IRAK1BP1: variants seen among roughly 807,000 people sequenced by gnomAD.
IRAK1BP1 encodes interleukin 1 receptor associated kinase 1 binding protein 1.
IRAK1BP1 carries 24 observed loss-of-function variants against 28.0 expected under a neutral mutation model. The ratio of observed to expected loss-of-function variants is 0.86; its 90% CI spans 0.62 to 1.20. The LOEUF (loss-of-function observed/expected upper bound fraction) is 1.20, where lower values mean the gene tolerates loss of function less well. IRAK1BP1 is among the 50% of genes most tolerant of loss of function. The pLI is 0.00. For missense variants in IRAK1BP1, 336 were observed against 316.7 expected (o/e 1.06, Z -0.46); for synonymous variants, 131 against 116.3 (o/e 1.13, Z -0.81).
the IRAK1BP1 span, chr6:78,955,703 A>G: frequency 1.3e-6 from 1 of 776,324 alleles, no homozygotes; most frequent in East Asian, 2.6e-5. Context: ...AGGAAATGTT[A>G]ACATGTAAGA....
At chr6:78,869,492 C>T (rs1403270842) in intron 1 of IRAK1BP1, among the ~76,000 whole-genome samples, 1 of 152,170 alleles carries the variant, frequency 6.6e-6, no homozygotes, top group South Asian at 2.1e-4. Flanking sequence ...TGCACTCCAG[C>T]TTGGGTGACA....
Position 78,901,989 on chromosome 6 carries a change from G to T in IRAK1BP1, c.*3655G>T, listed in dbSNP as rs1057341174. 6.6e-6 allele frequency: 1 copy of T among 152,128 alleles called. No homozygotes were observed. The highest frequency in any genetic ancestry group is 2.4e-5 in the African/African-American group (1 of 41,420). The allele number at this position is 152,128 out of a possible 1,614,324, so 9.4% of individuals were successfully genotyped here. A position where few individuals can be genotyped will look rare whatever the true frequency, so the allele number is the denominator to read the frequency against. On this transcript the variant is annotated 3_prime_UTR_variant, in exon 4 of 4. Coordinates refer to ENST00000369940, the MANE Select transcript of IRAK1BP1 (RefSeq NM_001010844.4). ...AGCCTATAAAAAGCATGAATTATGA[G>T]ATCAAATGTGGGAGTTACTATATGA...
chr6:78,947,897 C>T, downstream of IRAK1BP1: 1 of 547,774 alleles, frequency 1.8e-6, no homozygotes, highest in Non-Finnish European at 3.2e-6. Context: ...ATAATCACTC[C>T]TGTTCCCCTT....
chr6:78,931,410 C>CA (rs1353364377), intron 4 of IRAK1BP1, among the ~76,000 whole-genome samples: 8 of 151,990 alleles, frequency 5.3e-5, no homozygotes, highest in South Asian at 2.1e-4. Context: ...GACCCTGTCT[C>CA]AAAAAACAAG....
chr6:78,913,064 G>A (rs892635390), intron 4 of IRAK1BP1, among the ~76,000 whole-genome samples: 6 of 152,162 alleles, frequency 3.9e-5, no homozygotes, highest in South Asian at 2.1e-4. Flanking sequence ...GGCCGGGTGC[G>A]GTAGCTCACG....
intron 4 of IRAK1BP1, among the ~76,000 whole-genome samples, chr6:78,914,302 GA>G (rs1392438546): frequency 1.3e-5 from 2 of 152,172 alleles, no homozygotes; most frequent in Admixed American, 6.5e-5. Flanking sequence ...GCCTGAAAAT[GA>G]ATCTTAATTT....
chr6:78,909,280 C>T (rs757742026), intron 4 of IRAK1BP1, among the ~76,000 whole-genome samples: 3 of 152,146 alleles, frequency 2.0e-5, no homozygotes, highest in Non-Finnish European at 2.9e-5. Flanking sequence ...AAGTCAAAAA[C>T]ACACTTCTGA....
At chr6:78,950,790 C>A (rs1056620434), downstream of IRAK1BP1, among the ~76,000 whole-genome samples, 1 of 151,758 alleles carries the variant, frequency 6.6e-6, no homozygotes, top group South Asian at 2.1e-4. Flanking sequence ...CTCAAAGAAC[C>A]CAGCTTTCAA....
intron 1 of IRAK1BP1, among the ~76,000 whole-genome samples, chr6:78,880,066 C>T (rs1049007884): frequency 6.6e-6 from 1 of 151,042 alleles, no homozygotes; most frequent in African/African-American, 2.4e-5. Context: ...GAGTGTAGAT[C>T]AAAAGACTAT....
At chr6:78,958,486 T>C in the IRAK1BP1 span, 1 of 1,525,560 alleles carries the variant, frequency 6.6e-7, no homozygotes, top group Non-Finnish European at 9.1e-7. Context: ...TTATAAAATG[T>C]AGAAGAAGAT....
the IRAK1BP1 span, among the ~76,000 whole-genome samples, chr6:78,970,451 A>T: frequency 1.3e-5 from 2 of 152,166 alleles, no homozygotes; most frequent in African/African-American, 4.8e-5. Context: ...CATTCCAAAG[A>T]CCTATTGGTA....
Position 78,867,820 on chromosome 6 carries a change from G to A in IRAK1BP1, c.244G>A (p.Ala82Thr), listed in dbSNP as rs763671093. The change falls in exon 1 of 4, where the codon GCC becomes ACC. Residue 82 changes from alanine (A) to threonine (T), a missense_variant. Coordinates refer to ENST00000369940, the MANE Select transcript of IRAK1BP1 (RefSeq NM_001010844.4). ...AGTGAGCAGCACCAAGGAGGCGGCAGCCGAGGCCAAAAAGAGCGTTTGTCG... is the reference window on the plus strand; with the variant it reads ...AGTGAGCAGCACCAAGGAGGCGGCAACCGAGGCCAAAAAGAGCGTTTGTCG... Reference protein sequence around the residue: ...VRVSSTKEAAAEAKKSVCRRL... With the variant: ...VRVSSTKEAATEAKKSVCRRL... 1 of 1,612,610 alleles carries A rather than the reference G, an allele frequency of 6.2e-7. No individual in the cohort carries two copies. Among genetic ancestry groups the A allele is most frequent in the Non-Finnish European group, 8.5e-7 (1 of 1,179,326 alleles).
the IRAK1BP1 span, among the ~76,000 whole-genome samples, chr6:78,974,678 T>C: frequency 1.3e-5 from 2 of 152,036 alleles, no homozygotes; most frequent in Non-Finnish European, 2.9e-5. Flanking sequence ...CAATAAAAAA[T>C]GATAAAGGGG....
the IRAK1BP1 span, among the ~76,000 whole-genome samples, chr6:78,966,834 G>A: frequency 6.6e-6 from 1 of 152,202 alleles, no homozygotes; most frequent in Non-Finnish European, 1.5e-5. Context: ...CAGTACTTGA[G>A]TTTTCTCGTG....
At chr6:78,957,045 T>C in the IRAK1BP1 span, 2 of 152,042 alleles carry the variant, frequency 1.3e-5, no homozygotes, top group African/African-American at 4.8e-5. Context: ...AAAGTATTTT[T>C]AAACAAACTA....
chr6:78,929,319 A>AT (rs1188380046), intron 4 of IRAK1BP1, among the ~76,000 whole-genome samples: 1 of 152,172 alleles, frequency 6.6e-6, no homozygotes, highest in African/African-American at 2.4e-5. Flanking sequence ...GGTTGGATAA[A>AT]TAAAATGTGG....
rs1772113831 is a variant in IRAK1BP1, at chr6:78,901,842, C to T, written c.*3508C>T. On this transcript the variant is annotated 3_prime_UTR_variant, in exon 4 of 4. Coordinates refer to ENST00000369940, the MANE Select transcript of IRAK1BP1 (RefSeq NM_001010844.4). Reference sequence around the variant, plus strand: ...GGACTTAGAAAAATAATTTGTAACTCAAGATGCTGTACCTCATCCTATAAT... The same window carrying T: ...GGACTTAGAAAAATAATTTGTAACTTAAGATGCTGTACCTCATCCTATAAT... The T allele has an allele frequency of 6.6e-6, 1 of 152,044 alleles. No individual in the cohort carries two copies. The highest frequency in any genetic ancestry group is 2.4e-5 in the African/African-American group (1 of 41,416). 9.4% of individuals were successfully genotyped at this position (152,044 alleles called of 1,614,324 possible). A position where few individuals can be genotyped will look rare whatever the true frequency, so the allele number is the denominator to read the frequency against.
At chr6:78,875,759 C>T (rs1770977717) in intron 1 of IRAK1BP1, among the ~76,000 whole-genome samples, 3 of 152,084 alleles carry the variant, frequency 2.0e-5, no homozygotes, top group South Asian at 2.1e-4. Context: ...AAAGTAACCA[C>T]GTAGTGTTTC....
At chr6:78,924,684 A>G (rs1772838816) in intron 4 of IRAK1BP1, among the ~76,000 whole-genome samples, 2 of 152,186 alleles carry the variant, frequency 1.3e-5, no homozygotes, top group African/African-American at 4.8e-5. Flanking sequence ...ATACTGGCAA[A>G]CTGAATCCAG....
Sources: allele counts gnomAD v4.1 joint callset (sites outside exome capture counted in the v4.1 genomes callset), GRCh38; gene constraint gnomAD v4.1.1; transcripts MANE v1.5; gene names NCBI Gene and HGNC (gene_info 2026-07-23, HGNC 2026-07-21).